The following TENM3 variants were observed in gnomAD, a reference collection of about 807,000 sequenced individuals.
TENM3 encodes the protein teneurin-3.
A neutral mutation model predicts 255.1 loss-of-function variants in TENM3; 63 were observed. The ratio of observed to expected loss-of-function variants is 0.25; its 90% CI spans 0.20 to 0.30. The LOEUF (loss-of-function observed/expected upper bound fraction) is 0.30. Ranked by LOEUF, TENM3 falls within the 10% of genes least tolerant of loss-of-function variation. The pLI is 1.00. For synonymous variants in TENM3, 1,306 were observed against 1,322.3 expected (o/e 0.99, Z 0.27); for missense variants, 2,929 against 3,461.1 (o/e 0.85, Z 3.86).
chr4:182,576,401 A>G (rs1273992772), intron 3 of TENM3, among the ~76,000 whole-genome samples: 4 of 152,214 alleles, frequency 2.6e-5, no homozygotes, highest in Non-Finnish European at 5.9e-5. Flanking sequence ...CAATGCACTC[A>G]TAAGAAAAAA....
At chr4:182,606,523 C>CAAAA (rs746315807) in intron 4 of TENM3, among the ~76,000 whole-genome samples, 1 of 51,734 alleles carries the variant, frequency 1.9e-5, no homozygotes, top group Non-Finnish European at 3.5e-5. Flanking sequence ...GACTCTGTCT[C>CAAAA]AAAAAAAAAA....
the TENM3 span, among the ~76,000 whole-genome samples, chr4:182,023,110 C>T: frequency 6.6e-6 from 1 of 152,148 alleles, no homozygotes; most frequent in South Asian, 2.1e-4. Context: ...TTTGTTTTAG[C>T]TTATGTAGAG....
At chr4:181,457,310 G>A in the TENM3 span, among the ~76,000 whole-genome samples, 2 of 151,914 alleles carry the variant, frequency 1.3e-5, no homozygotes, top group African/African-American at 2.4e-5. Context: ...TCAGTGAGCG[G>A]CTTAGTGTGA....
At chr4:181,511,458 G>A in the TENM3 span, among the ~76,000 whole-genome samples, 1 of 152,068 alleles carries the variant, frequency 6.6e-6, no homozygotes, top group Non-Finnish European at 1.5e-5. Flanking sequence ...TCATGCGTGG[G>A]TACAGCAAGA....
intron 1 of TENM3, among the ~76,000 whole-genome samples, chr4:182,310,978 G>A (rs1762409254): frequency 6.6e-6 from 1 of 152,146 alleles, no homozygotes; most frequent in Admixed American, 6.5e-5. Flanking sequence ...CCAAAGTACT[G>A]GGATTACAGG....
chr4:181,819,836 A>G, the TENM3 span, among the ~76,000 whole-genome samples: 1 of 152,320 alleles, frequency 6.6e-6, no homozygotes, highest in South Asian at 2.1e-4. Flanking sequence ...CCCAGTAGGT[A>G]GCAGGCTGGA....
At chr4:181,592,917 A>G in the TENM3 span, among the ~76,000 whole-genome samples, 3 of 152,180 alleles carry the variant, frequency 2.0e-5, no homozygotes, top group African/African-American at 7.2e-5. Context: ...AAGCCTTACC[A>G]CAATGTCTTC....
intron 3 of TENM3, among the ~76,000 whole-genome samples, chr4:182,566,708 T>C (rs1432079320): frequency 2.6e-5 from 4 of 152,188 alleles, no homozygotes; most frequent in African/African-American, 9.6e-5. Context: ...TCATTATGCA[T>C]TTACAAAGAT....
At chr4:182,194,914 C>A (rs915388271) in intron 1 of TENM3, among the ~76,000 whole-genome samples, 1 of 151,868 alleles carries the variant, frequency 6.6e-6, no homozygotes. Flanking sequence ...AAGTTTTTGT[C>A]GTGATAGAAT....
At chr4:181,528,087 G>GA in the TENM3 span, among the ~76,000 whole-genome samples, 2,156 of 150,516 alleles carry the variant, frequency 0.014, 40 homozygotes, top group East Asian at 0.081. Context: ...TTACCTTTAG[G>GA]AAAAAAAACA....
the TENM3 span, among the ~76,000 whole-genome samples, chr4:181,937,647 G>T: frequency 1.3e-5 from 2 of 152,158 alleles, no homozygotes; most frequent in East Asian, 1.9e-4. Flanking sequence ...CTTTGCCCCA[G>T]TGCTGCTTCA....
the TENM3 span, among the ~76,000 whole-genome samples, chr4:181,482,289 A>G: frequency 6.6e-6 from 1 of 152,172 alleles, no homozygotes; most frequent in South Asian, 2.1e-4. Context: ...TCAGTCTCAC[A>G]CATTTATTAT....
chr4:182,005,991 A>G, the TENM3 span, among the ~76,000 whole-genome samples: 4 of 152,170 alleles, frequency 2.6e-5, no homozygotes, highest in Non-Finnish European at 5.9e-5. Context: ...TTTTCTAAAC[A>G]TAAAATCATG....
At chr4:182,121,268 G>T in the TENM3 span, among the ~76,000 whole-genome samples, 1 of 152,126 alleles carries the variant, frequency 6.6e-6, no homozygotes, top group East Asian at 1.9e-4. Context: ...AAAGTGCTGG[G>T]ATTACAGATG....
chr4:181,487,799 C>T, the TENM3 span, among the ~76,000 whole-genome samples: 20 of 152,074 alleles, frequency 1.3e-4, no homozygotes, highest in Non-Finnish European at 2.2e-4. Context: ...TAGATCCAGA[C>T]CCCTATATGC....
chr4:181,891,508 CTCTT>C, the TENM3 span, among the ~76,000 whole-genome samples: 4 of 152,122 alleles, frequency 2.6e-5, no homozygotes, highest in East Asian at 1.9e-4. Flanking sequence ...TTCTTATTTT[CTCTT>C]TCTTTATCTC....
At chr4:181,552,339 A>G in the TENM3 span, among the ~76,000 whole-genome samples, 2 of 152,194 alleles carry the variant, frequency 1.3e-5, no homozygotes. Context: ...AAAATATATG[A>G]TGGCATATCG....
At chr4:181,638,966 G>T in the TENM3 span, among the ~76,000 whole-genome samples, 1 of 152,182 alleles carries the variant, frequency 6.6e-6, no homozygotes, top group East Asian at 1.9e-4. Context: ...TTCTAATCAT[G>T]CTGTACCTAA....
the TENM3 span, among the ~76,000 whole-genome samples, chr4:181,883,035 G>A: frequency 6.6e-6 from 1 of 151,074 alleles, no homozygotes; most frequent in African/African-American, 2.4e-5. Flanking sequence ...CCTGCAGATT[G>A]TCCCTATTCA....
Sources: gnomAD v4.1 joint callset for allele counts (sites outside exome capture counted in the v4.1 genomes callset) on GRCh38, gnomAD v4.1.1 for gene constraint, MANE v1.5 for transcripts, NCBI Gene and HGNC (gene_info 2026-07-23, HGNC 2026-07-21) for gene names.